PNPLA2: variants seen among roughly 807,000 people sequenced by gnomAD.
PNPLA2 encodes the protein patatin like domain 2, triacylglycerol lipase, also known as patatin-like phospholipase domain-containing protein 2.
A neutral mutation model predicts 39.7 loss-of-function variants in PNPLA2; 28 were observed. That is an observed-to-expected ratio of 0.70 (90% CI 0.52 to 0.97). The LOEUF (loss-of-function observed/expected upper bound fraction) is 0.97, where lower values mean the gene tolerates loss of function less well. PNPLA2 is among the 50% of genes least tolerant of loss of function. The pLI, the probability that PNPLA2 is intolerant of heterozygous loss-of-function variation, is 0.00. For synonymous variants in PNPLA2, 392 were observed against 321.1 expected (o/e 1.22, Z -2.36); for missense variants, 768 against 698.2 (o/e 1.10, Z -1.13).
In PNPLA2 at chr11:824,908, C is replaced by G. The variant is rs1289833459; in HGVS notation, c.*46C>G. On this transcript the variant is annotated 3_prime_UTR_variant, in exon 10 of 10. Coordinates refer to ENST00000336615, the MANE Select transcript of PNPLA2 (RefSeq NM_020376.4). ...ACCCTGCCTGAGACGCCTCCATTAC[C>G]ACTGCGCAGTGAGATGAGGGGACTC... 1.4e-6 allele frequency: 2 copies of G among 1,427,784 alleles called. No homozygotes were observed. The highest frequency in any genetic ancestry group is 1.4e-5 in the African/African-American group (1 of 70,952). The allele number at this position is 1,427,784 out of a possible 1,614,324, so 88.4% of individuals were successfully genotyped here.
In PNPLA2 at chr11:824,663, G is replaced by A. The variant is rs766730036; in HGVS notation, c.1316G>A (p.Cys439Tyr). 6.9e-6 allele frequency: 11 copies of A among 1,596,606 alleles called. No individual in the cohort carries two copies. The highest frequency in any genetic ancestry group is 7.6e-6 in the Non-Finnish European group (9 of 1,177,634). ...GACGCGCTGGCCAAGTGGGAGGAGT[G>A]CCAGCGCCAGCTGCTGCTCGGCCTC... ...LGDALAKWEE[C>Y]QRQLLLGLFC... The change falls in exon 10 of 10, where the codon TGC becomes TAC. Residue 439 changes from cysteine to tyrosine, a missense_variant. Transcript: ENST00000336615.
In PNPLA2 at chr11:819,594, G is replaced by T; in HGVS notation, c.-125G>T. 1.6e-6 allele frequency: 2 copies of T among 1,274,604 alleles called. No individual in the cohort carries two copies. The highest frequency in any genetic ancestry group is 2.0e-6 in the Non-Finnish European group (2 of 998,492). The allele number at this position is 1,274,604 out of a possible 1,614,324, so 79.0% of individuals were successfully genotyped here. ...CGTAGCTTCTTCGCCTCCGCCAGCGGGGACCCCGAGCTAGAGCCGCAGCGG... is the reference window on the plus strand; with the variant it reads ...CGTAGCTTCTTCGCCTCCGCCAGCGTGGACCCCGAGCTAGAGCCGCAGCGG... On this transcript the variant is annotated 5_prime_UTR_variant, in exon 2 of 10. Coordinates refer to ENST00000336615, the MANE Select transcript of PNPLA2 (RefSeq NM_020376.4).
At chr11:819,553 G>C in intron 1 of PNPLA2, 21 bp from the exon 2 acceptor site, 1 of 1,290,164 alleles carries the variant, frequency 7.8e-7, no homozygotes, top group East Asian at 3.3e-5. Flanking sequence ...TAAAAGCGCC[G>C]CCTCCGCGCC....
At chr11:821,485 T>C in intron 2 of PNPLA2, 143 bp from the exon 3 acceptor site, 1 of 702,554 alleles carries the variant, frequency 1.4e-6, no homozygotes, top group African/African-American at 1.8e-5. Flanking sequence ...GTGGCCAAAG[T>C]CCCAACTGTG....
intron 5 of PNPLA2, among the ~76,000 whole-genome samples, chr11:822,930 T>G (rs548399620): frequency 8.7e-4 from 132 of 152,200 alleles, no homozygotes; most frequent in African/African-American, 3.0e-3. Flanking sequence ...GTTCAAGCTA[T>G]TCTCCTGCCT....
chr11:824,580 C>T lies in PNPLA2; in HGVS notation c.1233C>T (p.Ser411=). The change falls in exon 10 of 10, where the codon TCC becomes TCT. Residue 411 remains serine, a synonymous_variant. Transcript: ENST00000336615. ...AGTCGCTGCCGTCCGTGCCGCTGTC[C>T]TGCGCCGCCTACAGAGAGGCACTGC... The part of the protein sequence containing the change: ...RVQSLPSVPL[S]CAAYREALPG... The T allele has an allele frequency of 1.3e-6, 2 of 1,579,554 alleles. No individual in the cohort carries two copies. The highest frequency in any genetic ancestry group is 1.3e-5 in the African/African-American group (1 of 74,602).
rs952734981 is a variant in PNPLA2 at position 819,236 on chromosome 11, G to C, written c.-146+278G>C. On this transcript the variant is annotated intron_variant, in intron 1 of 9. Transcript: ENST00000336615. ...GGTGGGTGTGGGAGGCGGACCCGGTGGGGAGGGGCGGTGGCTGCCCTGAAA... is the reference window on the plus strand; with the variant it reads ...GGTGGGTGTGGGAGGCGGACCCGGTCGGGAGGGGCGGTGGCTGCCCTGAAA... 2.3e-5 allele frequency: 4 copies of C among 173,616 alleles called. No individual in the cohort carries two copies. The South Asian group carries it at 7.5e-4, about 33-fold the overall frequency. The allele number at this position is 173,616 out of a possible 1,614,324, so 10.8% of individuals were successfully genotyped here.
In PNPLA2 at chr11:825,171, G is replaced by A. The variant is rs535902664; in HGVS notation, c.*309G>A. On this transcript the variant is annotated 3_prime_UTR_variant, in exon 10 of 10. Transcript: ENST00000336615. Reference sequence around the variant, plus strand: ...TGGCCTGCTGAAATATGTGTGTGAAGAATTATTTATTTTCGCCAAAGCACA... The same window carrying A: ...TGGCCTGCTGAAATATGTGTGTGAAAAATTATTTATTTTCGCCAAAGCACA... 1.9e-5 allele frequency: 10 copies of A among 519,964 alleles called. No individual in the cohort carries two copies. The highest frequency in any genetic ancestry group is 3.4e-5 in the Non-Finnish European group (10 of 291,464). 32.2% of individuals were successfully genotyped at this position (519,964 alleles called of 1,614,324 possible). A position where few individuals can be genotyped will look rare whatever the true frequency, so the allele number is the denominator to read the frequency against.
chr11:822,128 G>A (rs149182984), intron 4 of PNPLA2, 105 bp downstream of exon 4: 43 of 1,039,184 alleles, frequency 4.1e-5, no homozygotes, highest in Admixed American at 1.8e-4. Context: ...CTCTGCCACC[G>A]CCTGTTACCC....
chr11:822,715 C>T, intron 5 of PNPLA2, 109 bp downstream of exon 5: 2 of 936,890 alleles, frequency 2.1e-6, no homozygotes, highest in Non-Finnish European at 3.4e-6. Flanking sequence ...TGGTGGGAGC[C>T]TCTTCTGAGG....
At chr11:822,329 G>A in intron 4 of PNPLA2, 68 bp from the exon 5 acceptor site, 3 of 1,410,550 alleles carry the variant, frequency 2.1e-6, no homozygotes, top group South Asian at 1.2e-5. Context: ...CGGGTGGGGT[G>A]GCTGGGGTGG....
In PNPLA2 at chr11:823,599, C is replaced by A. The variant is rs769134804; in HGVS notation, c.757+12C>A. The A allele has an allele frequency of 1.4e-6, 2 of 1,439,338 alleles. No individual in the cohort carries two copies. Among genetic ancestry groups the A allele is most frequent in the Admixed American group, 3.5e-5 (2 of 57,730 alleles). 89.2% of individuals were successfully genotyped at this position (1,439,338 alleles called of 1,614,324 possible). On this transcript the variant is annotated intron_variant, in intron 6 of 9. Transcript: ENST00000336615. ...TCTGCAGCGGAACGGTGCGCGGACC[C>A]GGGCGGGAGAGGGCGGGGTGGGCTC... is the stretch of plus-strand genomic sequence containing the variant.
chr11:824,549 G>A lies in PNPLA2; in HGVS notation c.1202G>A (p.Arg401His), dbSNP rs1845810690. 6.4e-7 allele frequency: 1 copy of A among 1,556,936 alleles called. No homozygotes were observed. Among genetic ancestry groups the A allele is most frequent in the Non-Finnish European group, 8.7e-7 (1 of 1,154,942 alleles). ...SRLPEQVELR[R>H]VQSLPSVPLS... is the part of the protein sequence containing the mutation. ...CTGCCGGAGCAGGTGGAGCTGCGCC[G>A]CGTCCAGTCGCTGCCGTCCGTGCCG... The change falls in exon 10 of 10, where the codon CGC (arginine) becomes CAC (histidine). Residue 401 changes from arginine to histidine, a missense_variant. Physicochemically the swap from Arg to His is conservative, Grantham distance 29. Transcript: ENST00000336615.
chr11:823,514 C>G lies in PNPLA2; in HGVS notation c.697-13C>G. Reference sequence around the variant, plus strand: ...CTGGCTCCCTCCGCTCCATTTAACCCTCCTCACTGCAGGTGCTGCGAGAGA... The same window carrying G: ...CTGGCTCCCTCCGCTCCATTTAACCGTCCTCACTGCAGGTGCTGCGAGAGA... On this transcript the variant is annotated splice_polypyrimidine_tract_variant and intron_variant, in intron 5 of 9. Coordinates refer to ENST00000336615, the MANE Select transcript of PNPLA2 (RefSeq NM_020376.4). 6.2e-7 allele frequency: 1 copy of G among 1,603,790 alleles called. No individual in the cohort carries two copies. Among genetic ancestry groups the G allele is most frequent in the Non-Finnish European group, 8.5e-7 (1 of 1,175,824 alleles).
intron 8 of PNPLA2, 89 bp from the exon 9 acceptor site, chr11:824,225 C>T: frequency 1.3e-6 from 2 of 1,546,234 alleles, no homozygotes; most frequent in African/African-American, 1.4e-5. Flanking sequence ...GTGGGGTGAG[C>T]AGTGCCAAGT....
rs748976617 is a variant in PNPLA2 at position 824,147 on chromosome 11, G to T, written c.1052+17G>T. On this transcript the variant is annotated intron_variant, in intron 8 of 9. Transcript: ENST00000336615. ...CACCATCCGGTGTGAGGGCTGGGGGGTCGGGAGAGGGGCCCAGGGGACGGA... is the reference window on the plus strand; with the variant it reads ...CACCATCCGGTGTGAGGGCTGGGGGTTCGGGAGAGGGGCCCAGGGGACGGA... The T allele has an allele frequency of 1.3e-6, 2 of 1,585,296 alleles. No individual in the cohort carries two copies. Among genetic ancestry groups the T allele is most frequent in the South Asian group, 2.3e-5 (2 of 87,766 alleles).
In PNPLA2 at chr11:824,833, C is replaced by A. The variant is rs767707536; in HGVS notation, c.1486C>A (p.Arg496=). 6.5e-7 allele frequency: 1 copy of A among 1,534,630 alleles called. No individual in the cohort carries two copies. The highest frequency in any genetic ancestry group is 8.7e-7 in the Non-Finnish European group (1 of 1,146,150). The change falls in exon 10 of 10, where the codon CGG becomes AGG. Residue 496 remains arginine, a synonymous_variant. Transcript: ENST00000336615. ...PLLSTPAPEA[R]PVIGALGL is the part of the protein sequence containing the mutation. ...GCTGAGCACCCCTGCTCCCGAGGCC[C>A]GGCCCGTGATCGGGGCCCTGGGGCT...
rs1172406817 is a variant in PNPLA2 at position 821,695 on chromosome 11, C to A, written c.255C>A (p.His85Gln). 6.2e-7 allele frequency: 1 copy of A among 1,613,994 alleles called. No homozygotes were observed. The highest frequency in any genetic ancestry group is 1.7e-5 in the Admixed American group (1 of 60,036). ...EARKRFLGPL[H>Q]PSFNLVKIIR... Reference sequence around the variant, plus strand: ...GGAAGCGGTTCCTGGGCCCCCTGCACCCCTCCTTCAACCTGGTAAAGATCA... The same window carrying A: ...GGAAGCGGTTCCTGGGCCCCCTGCAACCCTCCTTCAACCTGGTAAAGATCA... The change falls in exon 3 of 10, where the codon CAC (histidine) becomes CAA (glutamine). Residue 85 changes from histidine to glutamine, a missense_variant. By Grantham distance (24) the His-to-Gln change is conservative. Transcript: ENST00000336615.
intron 4 of PNPLA2, 32 bp downstream of exon 4, chr11:822,055 G>A: frequency 1.2e-6 from 2 of 1,600,856 alleles, no homozygotes; most frequent in Non-Finnish European, 1.7e-6. Context: ...CACCTTCTAT[G>A]GGGTGGGCCG....
Sources: gnomAD v4.1 joint callset for allele counts (sites outside exome capture counted in the v4.1 genomes callset) on GRCh38, gnomAD v4.1.1 for gene constraint, MANE v1.5 for transcripts, NCBI Gene and HGNC (gene_info 2026-07-23, HGNC 2026-07-21) for gene names.